The following PHYHIP variants were observed in gnomAD, a reference collection of about 807,000 sequenced individuals.
The protein encoded by PHYHIP is phytanoyl-CoA 2-hydroxylase interacting protein, also known as phytanoyl-CoA hydroxylase-interacting protein.
In PHYHIP, 7 loss-of-function variants were observed where a neutral mutation model predicts 26.1. The ratio of observed to expected loss-of-function variants is 0.27; its 90% CI spans 0.15 to 0.50. The LOEUF (loss-of-function observed/expected upper bound fraction) is 0.50. Among genes scored for constraint, PHYHIP ranks in the 20% least tolerant of loss-of-function variants. The pLI, the probability that PHYHIP is intolerant of heterozygous loss-of-function variation, is 0.98. For missense variants in PHYHIP, 232 were observed against 454.7 expected (o/e 0.51, Z 4.45); for synonymous variants, 206 against 183.4 (o/e 1.12, Z -1.00).
intron 4 of PHYHIP, 63 bp downstream of exon 4, chr8:22,224,163 G>C: frequency 1.0e-6 from 1 of 974,826 alleles, no homozygotes; most frequent in African/African-American, 1.6e-5. Context: ...GCCAGGACAG[G>C]AGCAGGAAGG....
rs1829880968 is a variant in PHYHIP, at chr8:22,232,069, TGGA to T, written c.-306_-304del. On this transcript the variant is annotated 5_prime_UTR_variant, in exon 1 of 5. Transcript: ENST00000454243. Reference sequence around the variant, plus strand: ...AGGCAAGAGCGAAATCAAAGCAGCGTGGAGGAGAGAGAGGCAGAGAAGGGAGAA... The same window carrying T: ...AGGCAAGAGCGAAATCAAAGCAGCGTGGAGAGAGAGGCAGAGAAGGGAGAA... 1 of 153,640 alleles carries T rather than the reference TGGA, an allele frequency of 6.5e-6. No individual in the cohort carries two copies. Among genetic ancestry groups the T allele is most frequent in the South Asian group, 2.1e-4 (1 of 4,816 alleles). 9.5% of individuals were successfully genotyped at this position (153,640 alleles called of 1,614,324 possible).
intron 4 of PHYHIP, among the ~76,000 whole-genome samples, chr8:22,222,773 T>C (rs1586487608): frequency 6.6e-6 from 1 of 152,324 alleles, no homozygotes; most frequent in East Asian, 1.9e-4. Context: ...GGCCACTGAC[T>C]TGCTTTCCAG....
At chr8:22,224,085 G>T in intron 4 of PHYHIP, 141 bp downstream of exon 4, 1 of 656,934 alleles carries the variant, frequency 1.5e-6, no homozygotes, top group East Asian at 2.5e-5. Context: ...AGCCAGCCTG[G>T]TGACGTCAGG....
At chr8:22,229,096 G>A (rs1402991125) in intron 1 of PHYHIP, among the ~76,000 whole-genome samples, 1 of 152,162 alleles carries the variant, frequency 6.6e-6, no homozygotes, top group Non-Finnish European at 1.5e-5. Context: ...TTAGGGGCCG[G>A]CCATGTGCTC....
rs961904122 is a variant in PHYHIP, at chr8:22,220,279, A to G, written c.*1074T>C. ...AGGCCCGGGAAGGACTTCACCAAGA[A>G]CTCCCCGGGGAGGGGCTCCCGGCCA... is the stretch of plus-strand genomic sequence containing the variant. On this transcript the variant is annotated 3_prime_UTR_variant, in exon 5 of 5. Coordinates refer to ENST00000454243, the MANE Select transcript of PHYHIP (RefSeq NM_014759.5). 1 of 152,016 alleles carries G rather than the reference A, an allele frequency of 6.6e-6. No individual in the cohort carries two copies. Among genetic ancestry groups the G allele is most frequent in the Non-Finnish European group, 1.5e-5 (1 of 68,136 alleles). 9.4% of individuals were successfully genotyped at this position (152,016 alleles called of 1,614,324 possible).
chr8:22,231,504 C>G (rs1009156799), intron 1 of PHYHIP, among the ~76,000 whole-genome samples: 1 of 152,246 alleles, frequency 6.6e-6, no homozygotes, highest in Non-Finnish European at 1.5e-5. Flanking sequence ...CTTCCCCATG[C>G]CCATTCAAAC....
intron 4 of PHYHIP, chr8:22,223,967 C>A: frequency 2.3e-6 from 1 of 441,180 alleles, no homozygotes; most frequent in South Asian, 2.6e-5. Flanking sequence ...GGAGCAAACC[C>A]AGACCTCATT....
chr8:22,227,620 TG>T (rs1829776667), intron 2 of PHYHIP: 1 of 447,526 alleles, frequency 2.2e-6, no homozygotes, highest in Non-Finnish European at 4.5e-6. Context: ...ACCCCCACAC[TG>T]GCTTTTAACC....
In PHYHIP at chr8:22,221,225, G is replaced by C. The variant is rs1286569418; in HGVS notation, c.*128C>G. The C allele has an allele frequency of 3.4e-6, 3 of 894,576 alleles. No homozygotes were observed. The highest frequency in any genetic ancestry group is 4.9e-6 in the Non-Finnish European group (3 of 608,124). 55.4% of individuals were successfully genotyped at this position (894,576 alleles called of 1,614,324 possible). A position where few individuals can be genotyped will look rare whatever the true frequency, so the allele number is the denominator to read the frequency against. ...TGTTGCCTCCAATGCCAAGGGGCGA[G>C]GGGAGGGCAGCTGGGCAGAGTGGAG... On this transcript the variant is annotated 3_prime_UTR_variant, in exon 5 of 5. Coordinates refer to ENST00000454243, the MANE Select transcript of PHYHIP (RefSeq NM_014759.5). The surrounding 1 kb of genome is among the most constrained non-coding windows in gnomAD (Gnocchi z 7.9).
At chr8:22,224,915 C>A (rs1029866665) in intron 3 of PHYHIP, among the ~76,000 whole-genome samples, 6 of 152,128 alleles carry the variant, frequency 3.9e-5, no homozygotes, top group Non-Finnish European at 8.8e-5. Context: ...ACAGGGAAGG[C>A]TGGAAACAGG....
chr8:22,226,991 G>A lies in PHYHIP; in HGVS notation c.200C>T (p.Pro67Leu), dbSNP rs780025685. The A allele has an allele frequency of 1.5e-5, 24 of 1,613,370 alleles. No individual in the cohort carries two copies. Among genetic ancestry groups the A allele is most frequent in the Non-Finnish European group, 1.6e-5 (19 of 1,179,910 alleles). Reference protein sequence around the residue: ...VPTKLVAKAVPLPMTVRGHWF... With the variant: ...VPTKLVAKAVLLPMTVRGHWF... The stretch of plus-strand genomic sequence containing the variant: ...GTGGCCTCTCACCGTCATGGGCAGC[G>A]GCACTGCCTTGGCCACGAGCTTGGT... The change falls in exon 3 of 5, where the codon CCG becomes CTG. Residue 67 changes from proline to leucine, a missense_variant. Coordinates refer to ENST00000454243, the MANE Select transcript of PHYHIP (RefSeq NM_014759.5).
chr8:22,223,435 A>C (rs1276128278), intron 4 of PHYHIP, among the ~76,000 whole-genome samples: 1 of 150,514 alleles, frequency 6.6e-6, no homozygotes, highest in Non-Finnish European at 1.5e-5. Flanking sequence ...GCCTTGGAGC[A>C]CTTGCCAGCA....
intron 3 of PHYHIP, among the ~76,000 whole-genome samples, chr8:22,225,286 C>T (rs1020254123): frequency 3.3e-5 from 5 of 152,044 alleles, no homozygotes; most frequent in African/African-American, 1.2e-4. Flanking sequence ...ACTAGCCTGA[C>T]CAACATGGAA....
chr8:22,227,865 A>G (rs1474325493), intron 2 of PHYHIP, among the ~76,000 whole-genome samples: 1 of 152,104 alleles, frequency 6.6e-6, no homozygotes, highest in Non-Finnish European at 1.5e-5. Flanking sequence ...GCCCCACCCT[A>G]CCCGGGCTCT....
intron 4 of PHYHIP, among the ~76,000 whole-genome samples, chr8:22,222,703 C>G (rs1182737368): frequency 6.6e-6 from 1 of 152,220 alleles, no homozygotes; most frequent in Non-Finnish European, 1.5e-5. Flanking sequence ...AAGTAAGGTG[C>G]CTGGCACCCA....
chr8:22,230,443 AT>A (rs1050854330), intron 1 of PHYHIP, among the ~76,000 whole-genome samples: 2 of 151,946 alleles, frequency 1.3e-5, no homozygotes, highest in African/African-American at 4.8e-5. Flanking sequence ...CTGAGATGAC[AT>A]CCCCCCGCTA....
At chr8:22,231,460 C>T (rs1228338781) in intron 1 of PHYHIP, among the ~76,000 whole-genome samples, 1 of 152,226 alleles carries the variant, frequency 6.6e-6, no homozygotes, top group Non-Finnish European at 1.5e-5. Context: ...AACTCGCGAG[C>T]GCGCACACAC....
intron 4 of PHYHIP, among the ~76,000 whole-genome samples, chr8:22,222,925 G>T (rs1280496065): frequency 1.3e-5 from 2 of 152,160 alleles, no homozygotes; most frequent in East Asian, 1.9e-4. Flanking sequence ...AACTCTTGGG[G>T]TCAAGAGATC....
In PHYHIP at chr8:22,221,252, GAGCA is replaced by G; in HGVS notation, c.*97_*100del. The G allele has an allele frequency of 8.8e-7, 1 of 1,141,980 alleles. No homozygotes were observed. The highest frequency in any genetic ancestry group is 1.2e-6 in the Non-Finnish European group (1 of 822,548). 70.7% of individuals were successfully genotyped at this position (1,141,980 alleles called of 1,614,324 possible). On this transcript the variant is annotated 3_prime_UTR_variant, in exon 5 of 5. Transcript: ENST00000454243. This position sits in a 1 kb window ranked among gnomAD's most constrained non-coding sequence, Gnocchi z 7.9. Reference sequence around the variant, plus strand: ...GGAGGGCAGCTGGGCAGAGTGGAGGGAGCAGGGGGGCAGGAGAGAGAAAGCCAGC... The same window carrying G: ...GGAGGGCAGCTGGGCAGAGTGGAGGGGGGGGGCAGGAGAGAGAAAGCCAGC...
Sources: gnomAD v4.1 joint callset for allele counts (sites outside exome capture counted in the v4.1 genomes callset) on GRCh38, gnomAD v4.1.1 for gene constraint, Gnocchi (gnomAD v3.1) non-coding constraint, MANE v1.5 for transcripts, NCBI Gene and HGNC (gene_info 2026-07-23, HGNC 2026-07-21) for gene names.